CBLN2: variants seen among roughly 807,000 people sequenced by gnomAD.
CBLN2 encodes the protein cerebellin-2.
In CBLN2, 7 loss-of-function variants were observed where a neutral mutation model predicts 15.0. The observed-to-expected ratio is 0.47, with a 90% CI of 0.27 to 0.88. The LOEUF is 0.88. Ranked by LOEUF, CBLN2 falls within the 40% of genes least tolerant of loss-of-function variation. The pLI is 0.14. For synonymous variants in CBLN2, 149 were observed against 135.2 expected, an observed-to-expected ratio of 1.10 and a Z score of -0.71; for missense variants, 242 against 304.5, an observed-to-expected ratio of 0.79 and a Z score of 1.53.
rs558115629 is a variant in CBLN2, at chr18:72,638,262, G to A, written c.15+63C>T. The A allele has an allele frequency of 1.4e-3, 555 of 398,344 alleles. 3 individuals are homozygous for A. Among genetic ancestry groups the A allele is most frequent in the African/African-American group, 9.5e-3 (461 of 48,702 alleles). 24.7% of individuals were successfully genotyped at this position (398,344 alleles called of 1,614,324 possible). A position where few individuals can be genotyped will look rare whatever the true frequency, so the allele number is the denominator to read the frequency against. ...CTTGTTGTTCATTCCACAGTCTTTG[G>A]GAGCTGACCTTTGCTAGGATAAAAT... On this transcript the variant is annotated intron_variant, in intron 1 of 2. Transcript: ENST00000581073.
intron 1 of CBLN2, among the ~76,000 whole-genome samples, chr18:72,573,072 T>A (rs1297132437): frequency 6.6e-6 from 1 of 152,126 alleles, no homozygotes; most frequent in Admixed American, 6.5e-5. Flanking sequence ...CCACACTTGT[T>A]TTCAATAAAT....
intron 1 of CBLN2, among the ~76,000 whole-genome samples, chr18:72,631,421 G>T (rs2069775544): frequency 7.1e-6 from 1 of 141,224 alleles, no homozygotes; most frequent in Admixed American, 7.1e-5. Flanking sequence ...AATGGAAAAG[G>T]CTAGTGTGTA....
In CBLN2 at chr18:72,598,689, T is replaced by C. The variant is rs1050377708; in HGVS notation, c.15+39636A>G. Reference sequence around the variant, plus strand: ...CTAGTTCGTTTCAGAACCCAGAGCATTTTAGCTCATGGTGGCAGGGTGCTC... The same window carrying C: ...CTAGTTCGTTTCAGAACCCAGAGCACTTTAGCTCATGGTGGCAGGGTGCTC... On this transcript the variant is annotated intron_variant, in intron 1 of 2. Transcript: ENST00000581073. 3.3e-5 allele frequency among the ~76,000 whole-genome samples: 5 copies of C among 152,160 alleles called. 1 individual carries two copies. Among genetic ancestry groups the C allele is most frequent in the Admixed American group, 3.3e-4 (5 of 15,282 alleles).
At chr18:72,581,818 GTTAAA>G (rs1273270212) in intron 1 of CBLN2, among the ~76,000 whole-genome samples, 1 of 152,046 alleles carries the variant, frequency 6.6e-6, no homozygotes, top group Non-Finnish European at 1.5e-5. Flanking sequence ...TATTCTATTA[GTTAAA>G]TTAAATTCAT....
rs2069066459 is a variant in CBLN2, at chr18:72,536,830, G to C, written c.*1346C>G. On this transcript the variant is annotated 3_prime_UTR_variant, in exon 5 of 5. Transcript: ENST00000269503. The stretch of plus-strand genomic sequence containing the variant: ...GATTAGTGACATTTCCTTGGCATAT[G>C]CATTACACACCCATCAACTCTCAGC... The C allele has an allele frequency of 6.6e-6, 1 of 152,622 alleles. No individual in the cohort carries two copies. The highest frequency in any genetic ancestry group is 2.4e-5 in the African/African-American group (1 of 41,444). 9.5% of individuals were successfully genotyped at this position (152,622 alleles called of 1,614,324 possible).
upstream of CBLN2, among the ~76,000 whole-genome samples, chr18:72,548,329 G>A (rs1423398014): frequency 1.3e-5 from 2 of 152,122 alleles, no homozygotes; most frequent in African/African-American, 4.8e-5. Flanking sequence ...GGACCTTTTT[G>A]TTGTTTCCAA....
intron 1 of CBLN2, among the ~76,000 whole-genome samples, chr18:72,575,584 G>A (rs1275864591): frequency 6.6e-6 from 1 of 152,122 alleles, no homozygotes; most frequent in Admixed American, 6.5e-5. Flanking sequence ...AAGCCCTGTG[G>A]GAGAAAGAAG....
At chr18:72,638,191 T>A in intron 1 of CBLN2, 1 of 396,810 alleles carries the variant, frequency 2.5e-6, no homozygotes, top group Non-Finnish European at 4.4e-6. Flanking sequence ...AAAGCAGAAG[T>A]AAATACTTTG....
chr18:72,541,316 C>G (rs1020326929), intron 3 of CBLN2, among the ~76,000 whole-genome samples: 2 of 151,834 alleles, frequency 1.3e-5, no homozygotes, highest in Non-Finnish European at 2.9e-5. Context: ...ACATCCCTTC[C>G]CCAATCCATT....
chr18:72,638,215 C>G, intron 1 of CBLN2: 1 of 397,674 alleles, frequency 2.5e-6, no homozygotes, highest in Non-Finnish European at 4.4e-6. Flanking sequence ...TACATTTAGT[C>G]CTTAATTATT....
chr18:72,632,413 A>T (rs1211583347), intron 1 of CBLN2, among the ~76,000 whole-genome samples: 1 of 152,200 alleles, frequency 6.6e-6, no homozygotes, highest in East Asian at 1.9e-4. Context: ...TTCATTCCAA[A>T]CATAGAACAA....
intron 1 of CBLN2, among the ~76,000 whole-genome samples, chr18:72,577,928 A>T (rs2069378611): frequency 6.6e-6 from 1 of 152,214 alleles, no homozygotes. Context: ...CATTCTGATC[A>T]TCGATGAATA....
intron 1 of CBLN2, among the ~76,000 whole-genome samples, chr18:72,615,183 A>G (rs1486723293): frequency 7.5e-6 from 1 of 133,600 alleles, no homozygotes; most frequent in East Asian, 2.0e-4. Flanking sequence ...ATATTTATAT[A>G]TTATATATAA....
chr18:72,590,162 G>A (rs2144929255), intron 1 of CBLN2, among the ~76,000 whole-genome samples: 1 of 152,326 alleles, frequency 6.6e-6, no homozygotes, highest in Admixed American at 6.5e-5. Flanking sequence ...CTACTCAGGA[G>A]GCTGAGGCAG....
chr18:72,588,878 C>T (rs981257702), intron 1 of CBLN2, among the ~76,000 whole-genome samples: 5 of 152,098 alleles, frequency 3.3e-5, no homozygotes, highest in East Asian at 1.9e-4. Flanking sequence ...CAAGCTGGAG[C>T]GTAATATTTG....
chr18:72,543,781 C>T lies in CBLN2; in HGVS notation c.-212+196G>A, dbSNP rs1195935764. On this transcript the variant is annotated intron_variant, in intron 1 of 4. Transcript: ENST00000269503. This position sits in a 1 kb window ranked among gnomAD's most constrained non-coding sequence, Gnocchi z 6.8. ...AGGTGCCTCCAACCCCTGGGCTTCG[C>T]GCCCGCACCGCTGCCTGGGGCCCCT... Among the ~76,000 whole-genome samples, 2 of 151,854 alleles carry T rather than the reference C, an allele frequency of 1.3e-5. No homozygotes were observed. The highest frequency in any genetic ancestry group is 2.1e-4 in the South Asian group (1 of 4,832).
chr18:72,616,486 A>G, intron 1 of CBLN2, among the ~76,000 whole-genome samples: 1 of 152,128 alleles, frequency 6.6e-6, no homozygotes, highest in East Asian at 1.9e-4. Flanking sequence ...GAACAGAATG[A>G]GGGAACACAA....
chr18:72,572,822 TAA>T (rs1178793309), intron 1 of CBLN2, among the ~76,000 whole-genome samples: 1 of 151,978 alleles, frequency 6.6e-6, no homozygotes, highest in Non-Finnish European at 1.5e-5. Flanking sequence ...GTGTTCATTA[TAA>T]GACACAAAAA....
intron 1 of CBLN2, among the ~76,000 whole-genome samples, chr18:72,606,251 G>T (rs187568916): frequency 6.6e-6 from 1 of 151,924 alleles, no homozygotes; most frequent in East Asian, 1.9e-4. Context: ...CATAATTATC[G>T]TACCATTTCA....
Sources: allele counts gnomAD v4.1 joint callset (sites outside exome capture counted in the v4.1 genomes callset), GRCh38; gene constraint gnomAD v4.1.1; non-coding constraint Gnocchi (gnomAD v3.1); transcripts MANE v1.5; gene names NCBI Gene and HGNC (gene_info 2026-07-23, HGNC 2026-07-21).